ZEB2: variants seen among roughly 807,000 people sequenced by gnomAD.
ZEB2 encodes the protein zinc finger E-box-binding homeobox 2.
Under a neutral mutation model 99.9 loss-of-function variants are expected in ZEB2, and 6 were observed. The observed-to-expected ratio is 0.06, with a 90% confidence interval of 0.03 to 0.12. ZEB2 has a LOEUF of 0.12. ZEB2 is among the 10% of genes least tolerant of loss of function. The pLI is 1.00. For missense variants in ZEB2, 969 were observed against 1,502.8 expected, an observed-to-expected ratio of 0.64 and a Z score of 5.87; for synonymous variants, 517 against 542.5, an observed-to-expected ratio of 0.95 and a Z score of 0.65.
chr2:144,389,329 C>A lies in ZEB2; in HGVS notation c.*122G>T. Reference sequence around the variant, plus strand: ...GTCTTGGCTGAACCGCCCCTTCTGTCCCTCTCTACAGCTTCCTGGAAGCGT... The same window carrying A: ...GTCTTGGCTGAACCGCCCCTTCTGTACCTCTCTACAGCTTCCTGGAAGCGT... On this transcript the variant is annotated 3_prime_UTR_variant, in exon 10 of 10. Transcript: ENST00000627532. This position sits in a 1 kb window ranked among gnomAD's most constrained non-coding sequence, Gnocchi z 6.8. 8.4e-7 allele frequency: 1 copy of A among 1,189,560 alleles called. No homozygotes were observed. The highest frequency in any genetic ancestry group is 1.2e-6 in the Non-Finnish European group (1 of 805,254). The allele number at this position is 1,189,560 out of a possible 1,614,324, so 73.7% of individuals were successfully genotyped here.
Position 144,396,604 on chromosome 2 carries a change from T to A in ZEB2, c.2887-12A>T. ...TCAAGCAATTCTCCCTGCGATAGAA[T>A]CACACAGTTCAATACAGTGGCTTCT... On this transcript the variant is annotated splice_polypyrimidine_tract_variant and intron_variant, in intron 8 of 9. Coordinates refer to ENST00000627532, the MANE Select transcript of ZEB2 (RefSeq NM_014795.4). 2 of 1,612,026 alleles carry A rather than the reference T, an allele frequency of 1.2e-6. No homozygotes were observed. Among genetic ancestry groups the A allele is most frequent in the South Asian group, 1.1e-5 (1 of 91,034 alleles).
chr2:144,513,461 TCTC>T (rs1705076340), intron 2 of ZEB2: 2 of 1,492,870 alleles, frequency 1.3e-6, no homozygotes, highest in South Asian at 1.2e-5. Context: ...TTTCCTTTCT[TCTC>T]CTATTTCCCT....
intron 4 of ZEB2, among the ~76,000 whole-genome samples, chr2:144,423,707 T>C (rs1385576928): frequency 6.6e-6 from 1 of 152,208 alleles, no homozygotes; most frequent in Non-Finnish European, 1.5e-5. Context: ...AGAATGACAA[T>C]AGGTTTTTAT....
intron 1 of ZEB2, chr2:144,517,994 C>T: frequency 3.7e-6 from 1 of 267,932 alleles, no homozygotes; most frequent in East Asian, 7.9e-5. Context: ...GTCTCTTCCT[C>T]CCCCCACCCT....
rs896949197 is a variant in ZEB2, at chr2:144,385,342, C to G, written c.*4109G>C. 6.6e-6 allele frequency: 1 copy of G among 151,616 alleles called. No homozygotes were observed. The highest frequency in any genetic ancestry group is 2.4e-5 in the African/African-American group (1 of 41,004). The allele number at this position is 151,616 out of a possible 1,614,324, so 9.4% of individuals were successfully genotyped here. ...AGTTGAGTTACAGTTAAGAAGGGAG[C>G]CATAACCTCAGCTGCCCTATAAAAT... On this transcript the variant is annotated 3_prime_UTR_variant, in exon 10 of 10. Transcript: ENST00000627532.
At position 144,387,314 on chromosome 2, in the gene ZEB2, A is replaced by G. The variant is rs1703099052; in HGVS notation, c.*2137T>C. 6.6e-6 allele frequency: 1 copy of G among 152,102 alleles called. No homozygotes were observed. The highest frequency in any genetic ancestry group is 1.5e-5 in the Non-Finnish European group (1 of 67,992). 9.4% of individuals were successfully genotyped at this position (152,102 alleles called of 1,614,324 possible). Reference sequence around the variant, plus strand: ...TGTATATTCAAGAGCTGTAAATTTGATAAGGTAATCTGTTTTTTCTGTTAT... The same window carrying G: ...TGTATATTCAAGAGCTGTAAATTTGGTAAGGTAATCTGTTTTTTCTGTTAT... On this transcript the variant is annotated 3_prime_UTR_variant, in exon 10 of 10. Coordinates refer to ENST00000627532, the MANE Select transcript of ZEB2 (RefSeq NM_014795.4).
intron 2 of ZEB2, among the ~76,000 whole-genome samples, chr2:144,434,252 C>T (rs1475110093): frequency 6.6e-6 from 1 of 152,132 alleles, no homozygotes; most frequent in Non-Finnish European, 1.5e-5. Flanking sequence ...TCTACTCAAG[C>T]GTGCCAATAA....
At chr2:144,512,991 G>A in intron 2 of ZEB2, 1 of 1,287,210 alleles carries the variant, frequency 7.8e-7, no homozygotes, top group Non-Finnish European at 1.0e-6. Context: ...TCCACACTTT[G>A]CAAAGATAAC....
chr2:144,488,670 AGT>A (rs57221448), intron 2 of ZEB2, among the ~76,000 whole-genome samples: 18,633 of 147,972 alleles, frequency 0.13, 1,326 homozygotes, highest in East Asian at 0.27. Flanking sequence ...CTCGTGTGTG[AGT>A]GTGTGTGTGT....
intron 4 of ZEB2, among the ~76,000 whole-genome samples, chr2:144,413,544 C>G (rs1703493676): frequency 6.6e-6 from 1 of 152,170 alleles, no homozygotes; most frequent in Non-Finnish European, 1.5e-5. Context: ...TCTTTCTCCA[C>G]CTTATTTTTA....
chr2:144,433,193 C>A (rs1488366028), intron 2 of ZEB2, among the ~76,000 whole-genome samples: 1 of 152,114 alleles, frequency 6.6e-6, no homozygotes, highest in South Asian at 2.1e-4. Flanking sequence ...AAAATAGACA[C>A]TAATTTTACA....
At chr2:144,474,246 C>T (rs1247463985) in intron 2 of ZEB2, among the ~76,000 whole-genome samples, 1 of 152,196 alleles carries the variant, frequency 6.6e-6, no homozygotes, top group African/African-American at 2.4e-5. Flanking sequence ...ATTCCAGGAA[C>T]TGTCCTCTTC....
At chr2:144,462,877 A>T (rs965360998) in intron 2 of ZEB2, 3 of 152,208 alleles carry the variant, frequency 2.0e-5, no homozygotes, top group Non-Finnish European at 4.4e-5. Context: ...AGGCCCCATT[A>T]GTTCCAACAG....
At chr2:144,508,086 G>A (rs979864046) in intron 2 of ZEB2, among the ~76,000 whole-genome samples, 3 of 152,136 alleles carry the variant, frequency 2.0e-5, no homozygotes, top group African/African-American at 4.8e-5. Flanking sequence ...ATGCTTGGTC[G>A]TTCATACAAA....
chr2:144,413,543 A>C (rs537447095), intron 4 of ZEB2, among the ~76,000 whole-genome samples: 3 of 152,138 alleles, frequency 2.0e-5, no homozygotes, highest in Non-Finnish European at 4.4e-5. Context: ...CTCTTTCTCC[A>C]CCTTATTTTT....
chr2:144,510,379 G>A (rs898853631), intron 2 of ZEB2, among the ~76,000 whole-genome samples: 4 of 150,718 alleles, frequency 2.7e-5, no homozygotes, highest in African/African-American at 9.8e-5. Flanking sequence ...TCACCTCTCT[G>A]GTCCGCTGGT....
intron 4 of ZEB2, 78 bp from the exon 5 acceptor site, chr2:144,405,102 G>GCATTTCTCACTGGCTA: frequency 6.8e-7 from 1 of 1,463,880 alleles, no homozygotes; most frequent in Non-Finnish European, 9.4e-7. Flanking sequence ...ATCATAGCCA[G>GCATTTCTCACTGGCTA]TGAGAAATGC....
chr2:144,482,281 T>C (rs1454190954), intron 2 of ZEB2: 1 of 152,258 alleles, frequency 6.6e-6, no homozygotes, highest in Non-Finnish European at 1.5e-5. Context: ...GTCCCAGTCA[T>C]GATCTTCCCT....
In ZEB2 at chr2:144,388,145, A is replaced by T. The variant is rs1703108617; in HGVS notation, c.*1306T>A. 6.6e-6 allele frequency: 1 copy of T among 152,634 alleles called. No homozygotes were observed. Among genetic ancestry groups the T allele is most frequent in the South Asian group, 2.1e-4 (1 of 4,838 alleles). 9.5% of individuals were successfully genotyped at this position (152,634 alleles called of 1,614,324 possible). The stretch of plus-strand genomic sequence containing the variant: ...CATGGTATCATACATTGTATTTAAC[A>T]GTCCCTCTTTTTAGCTAAAAAACAA... On this transcript the variant is annotated 3_prime_UTR_variant, in exon 10 of 10. Transcript: ENST00000627532. The surrounding 1 kb of genome is among the most constrained non-coding windows in gnomAD (Gnocchi z 5.4).
Sources: allele counts gnomAD v4.1 joint callset (sites outside exome capture counted in the v4.1 genomes callset), GRCh38; gene constraint gnomAD v4.1.1; non-coding constraint Gnocchi (gnomAD v3.1); transcripts MANE v1.5; gene names NCBI Gene and HGNC (gene_info 2026-07-23, HGNC 2026-07-21).